The following ORC5 variants were observed in gnomAD, a reference collection of about 807,000 sequenced individuals.
ORC5 encodes the protein protein phosphatase 1, regulatory subunit 117.
Under a neutral mutation model 58.8 loss-of-function variants are expected in ORC5, and 39 were observed. The observed-to-expected ratio is 0.66, with a 90% confidence interval of 0.51 to 0.87. ORC5 has a LOEUF of 0.87. Among genes scored for constraint, ORC5 ranks in the 40% least tolerant of loss-of-function variants. ORC5 has a pLI of 0.00. For missense variants in ORC5, 493 were observed against 506.3 expected (o/e 0.97, Z 0.25); for synonymous variants, 218 against 177.6 (o/e 1.23, Z -1.81).
At chr7:104,131,560 C>T (rs1271844972) in intron 13 of ORC5, among the ~76,000 whole-genome samples, 2 of 152,086 alleles carry the variant, frequency 1.3e-5, no homozygotes, top group Non-Finnish European at 2.9e-5. Flanking sequence ...CAGTTATAAT[C>T]CTCTCTCTTG....
chr7:104,187,850 A>C, intron 6 of ORC5: 1 of 988,442 alleles, frequency 1.0e-6, no homozygotes, highest in Non-Finnish European at 1.2e-6. Context: ...CAATCACCGC[A>C]TACATAAAAC....
chr7:104,172,723 C>A (rs1799236769), intron 8 of ORC5, among the ~76,000 whole-genome samples: 1 of 152,006 alleles, frequency 6.6e-6, no homozygotes, highest in Non-Finnish European at 1.5e-5. Context: ...AAAGCCAAAG[C>A]CTAGAGGTTT....
At chr7:104,166,643 T>C in intron 10 of ORC5, 129 bp downstream of exon 10, 1 of 569,810 alleles carries the variant, frequency 1.8e-6, no homozygotes, top group Non-Finnish European at 3.1e-6. Flanking sequence ...CTTTAAAGAA[T>C]GAGTCCTAAA....
chr7:104,136,646 A>G lies in ORC5; in HGVS notation c.1262+135T>C, dbSNP rs948564777. Reference sequence around the variant, plus strand: ...TTGTAAATTTGAGAAGGTTCATTCTATCGTACAGCTTATTCATTCTTGGCA... The same window carrying G: ...TTGTAAATTTGAGAAGGTTCATTCTGTCGTACAGCTTATTCATTCTTGGCA... On this transcript the variant is annotated intron_variant, in intron 13 of 13. Transcript: ENST00000297431. The surrounding 1 kb of genome is among the most constrained non-coding windows in gnomAD (Gnocchi z 4.2). The G allele has an allele frequency of 1.2e-5, 7 of 589,888 alleles. No homozygotes were observed. Among genetic ancestry groups the G allele is most frequent in the African/African-American group, 7.4e-5 (4 of 54,036 alleles). The allele number at this position is 589,888 out of a possible 1,614,324, so 36.5% of individuals were successfully genotyped here.
chr7:104,176,834 T>C (rs984344781), intron 8 of ORC5, among the ~76,000 whole-genome samples: 6 of 152,224 alleles, frequency 3.9e-5, no homozygotes, highest in African/African-American at 1.2e-4. Flanking sequence ...CCGGGATTTA[T>C]GGGCCGGGCA....
chr7:104,184,427 C>A, intron 6 of ORC5: 1 of 387,898 alleles, frequency 2.6e-6, no homozygotes, highest in Non-Finnish European at 4.6e-6. Context: ...CCACTGCACT[C>A]CAGCCTGGAC....
chr7:104,174,119 C>A (rs925422879), intron 8 of ORC5, among the ~76,000 whole-genome samples: 4 of 152,148 alleles, frequency 2.6e-5, no homozygotes, highest in African/African-American at 9.7e-5. Flanking sequence ...GCTGGGATTA[C>A]AGGCGTGAGC....
At position 104,133,012 on chromosome 7, in the gene ORC5, A is replaced by G. The variant is rs981735941; in HGVS notation, c.1262+3769T>C. 6.6e-6 allele frequency among the ~76,000 whole-genome samples: 1 copy of G among 152,166 alleles called. No individual in the cohort carries two copies. Among genetic ancestry groups the G allele is most frequent in the African/African-American group, 2.4e-5 (1 of 41,420 alleles). Reference sequence around the variant, plus strand: ...ATGGTGAATATAAAAAATGGAAAAAAGTGGTTAAAGTGCAGATACCGAGGA... The same window carrying G: ...ATGGTGAATATAAAAAATGGAAAAAGGTGGTTAAAGTGCAGATACCGAGGA... On this transcript the variant is annotated intron_variant, in intron 13 of 13. Coordinates refer to ENST00000297431, the MANE Select transcript of ORC5 (RefSeq NM_002553.4). The surrounding 1 kb of genome is among the most constrained non-coding windows in gnomAD (Gnocchi z 4.7).
chr7:104,172,519 G>A (rs952952951), intron 8 of ORC5, among the ~76,000 whole-genome samples: 6 of 152,068 alleles, frequency 3.9e-5, no homozygotes, highest in African/African-American at 1.2e-4. Flanking sequence ...GGAATAGTTA[G>A]TGATAGAATA....
At chr7:104,189,874 A>G (rs937374028) in intron 5 of ORC5, among the ~76,000 whole-genome samples, 1 of 152,182 alleles carries the variant, frequency 6.6e-6, no homozygotes, top group Non-Finnish European at 1.5e-5. Flanking sequence ...ACCCCAATTT[A>G]TAGCCAGTTT....
In ORC5 at chr7:104,193,045, G is replaced by C. The variant is rs1013673860; in HGVS notation, c.553+2098C>G. Among the ~76,000 whole-genome samples the C allele has an allele frequency of 4.6e-5, 7 of 152,006 alleles. No individual in the cohort carries two copies. The South Asian group carries it at 1.2e-3, about 27-fold the overall frequency. The stretch of plus-strand genomic sequence containing the variant: ...AAAAAAGATAGAGAAGAAAAGGTGA[G>C]GGGGGCAGACAAAATATTTGAAGAA... On this transcript the variant is annotated intron_variant, in intron 5 of 13. Coordinates refer to ENST00000297431, the MANE Select transcript of ORC5 (RefSeq NM_002553.4).
At chr7:104,159,520 CAAAAAA>C (rs200032572) in intron 12 of ORC5, among the ~76,000 whole-genome samples, 1 of 125,566 alleles carries the variant, frequency 8.0e-6, no homozygotes, top group African/African-American at 3.3e-5. Context: ...TAGAGAAAGC[CAAAAAA>C]AAAAAAAAGT....
At chr7:104,188,984 T>C (rs1799612325) in intron 5 of ORC5, among the ~76,000 whole-genome samples, 2 of 152,132 alleles carry the variant, frequency 1.3e-5, no homozygotes, top group African/African-American at 4.8e-5. Context: ...CAGAAGCCTG[T>C]ACAGCCCACA....
intron 13 of ORC5, among the ~76,000 whole-genome samples, chr7:104,130,595 G>A (rs1032645334): frequency 6.6e-6 from 1 of 152,180 alleles, no homozygotes; most frequent in Non-Finnish European, 1.5e-5. Context: ...ATACAGTTCA[G>A]TCTTCCTTTC....
chr7:104,184,091 A>G, intron 7 of ORC5, 32 bp downstream of exon 7: 2 of 1,587,358 alleles, frequency 1.3e-6, no homozygotes, highest in Non-Finnish European at 1.7e-6. Flanking sequence ...CTTTCTCAAA[A>G]TAAATATTAA....
At chr7:104,164,772 A>G (rs948715965) in intron 11 of ORC5, among the ~76,000 whole-genome samples, 10 of 152,154 alleles carry the variant, frequency 6.6e-5, no homozygotes, top group African/African-American at 2.4e-4. Flanking sequence ...CCTAAGGCCA[A>G]ATTAGCTAAG....
chr7:104,156,144 T>C (rs1450904231), intron 12 of ORC5, among the ~76,000 whole-genome samples: 1 of 151,282 alleles, frequency 6.6e-6, no homozygotes, highest in Admixed American at 6.6e-5. Flanking sequence ...CAGGCATACA[T>C]AGAAGGGCTA....
intron 12 of ORC5, 58 bp downstream of exon 12, chr7:104,161,014 C>T: frequency 1.1e-6 from 1 of 922,274 alleles, no homozygotes; most frequent in Non-Finnish European, 1.8e-6. Flanking sequence ...ATTCTATTGA[C>T]TCTACTATCT....
chr7:104,128,610 G>A (rs1410788769), intron 13 of ORC5, among the ~76,000 whole-genome samples: 3 of 150,796 alleles, frequency 2.0e-5, no homozygotes, highest in Non-Finnish European at 4.4e-5. Context: ...TGCCATGCTG[G>A]TGTGCTGCAC....
Sources: gnomAD v4.1 joint callset for allele counts (sites outside exome capture counted in the v4.1 genomes callset) on GRCh38, gnomAD v4.1.1 for gene constraint, Gnocchi (gnomAD v3.1) non-coding constraint, MANE v1.5 for transcripts, NCBI Gene and HGNC (gene_info 2026-07-23, HGNC 2026-07-21) for gene names.